The following TBC1D9 variants were observed in gnomAD, a reference collection of about 807,000 sequenced individuals.
TBC1D9 encodes TBC1 domain family member 9.
TBC1D9 carries 63 observed loss-of-function variants against 132.0 expected under a neutral mutation model. The observed-to-expected ratio is 0.48, with a 90% confidence interval of 0.39 to 0.59. TBC1D9 has a LOEUF of 0.59. Among genes scored for constraint, TBC1D9 ranks in the 20% least tolerant of loss-of-function variants. The pLI is 0.00. For synonymous variants in TBC1D9, 610 were observed against 609.9 expected, an observed-to-expected ratio of 1.00 and a Z score of 0.00; for missense variants, 1,261 against 1,592.7, an observed-to-expected ratio of 0.79 and a Z score of 3.54.
intron 1 of TBC1D9, among the ~76,000 whole-genome samples, chr4:140,714,334 T>C (rs1051882975): frequency 5.9e-5 from 9 of 152,188 alleles, no homozygotes; most frequent in Non-Finnish European, 1.3e-4. Context: ...TACAGGGACA[T>C]AAGACATCAA....
chr4:140,680,710 G>C (rs1737690515), intron 3 of TBC1D9, among the ~76,000 whole-genome samples: 1 of 152,166 alleles, frequency 6.6e-6, no homozygotes, highest in Admixed American at 6.5e-5. Context: ...TATCTGTGTA[G>C]CCTTGGCCAA....
In TBC1D9 at chr4:140,679,639, A is replaced by G; in HGVS notation, c.565T>C (p.Tyr189His). Residue 189 changes from tyrosine (Y) to histidine (H), a missense_variant, in exon 4 of 21, where the codon TAT (tyrosine) becomes CAT (histidine). By Grantham distance (83) the Tyr-to-His change is moderately conservative. This residue lies in a region of TBC1D9 where 550 missense variants were observed against 699.0 expected (regional missense o/e 0.79). Transcript: ENST00000442267. ...CCTTCCCTTCCCATAAGAAAAGAAT[A>G]AAAGCAAAGGTGGTTAATGCTGAGG... ...MYLSINHLCF[Y>H]SFLMGREAKL... is the part of the protein sequence containing the mutation. 1 of 1,613,556 alleles carries G rather than the reference A, an allele frequency of 6.2e-7. No homozygotes were observed. Among genetic ancestry groups the G allele is most frequent in the South Asian group, 1.1e-5 (1 of 90,990 alleles).
rs545352494 is a variant in TBC1D9 at position 140,732,710 on chromosome 4, C to T, written c.130+23206G>A. ...GCTGTCTGTACCAAGGAACATAACA[C>T]CCCATCAAGCCCTAAAATTCCTTCA... is the stretch of plus-strand genomic sequence containing the variant. On this transcript the variant is annotated intron_variant, in intron 1 of 20. Coordinates refer to ENST00000442267, the MANE Select transcript of TBC1D9 (RefSeq NM_015130.3). Among the ~76,000 whole-genome samples, 18 of 152,258 alleles carry T rather than the reference C, an allele frequency of 1.2e-4. No homozygotes were observed. The South Asian group carries it at 3.1e-3, about 26-fold the overall frequency.
At chr4:140,673,459 G>A (rs759309775) in intron 6 of TBC1D9, among the ~76,000 whole-genome samples, 1 of 152,180 alleles carries the variant, frequency 6.6e-6, no homozygotes, top group African/African-American at 2.4e-5. Flanking sequence ...CCCAGCTCAC[G>A]TGGAGGGCAC....
chr4:140,662,596 T>C (rs1003645146), intron 9 of TBC1D9, among the ~76,000 whole-genome samples: 2 of 152,162 alleles, frequency 1.3e-5, no homozygotes, highest in Admixed American at 1.3e-4. Context: ...CTCTGAAGGG[T>C]TTAATAGCCA....
intron 1 of TBC1D9, among the ~76,000 whole-genome samples, chr4:140,719,643 C>CT (rs747474695): frequency 5.3e-5 from 8 of 152,160 alleles, no homozygotes; most frequent in Non-Finnish European, 8.8e-5. Context: ...GGAAGCTTTG[C>CT]TGGGCACTAG....
At chr4:140,625,691 C>G (rs1736695085) in intron 18 of TBC1D9, among the ~76,000 whole-genome samples, 1 of 152,094 alleles carries the variant, frequency 6.6e-6, no homozygotes, top group East Asian at 1.9e-4. Flanking sequence ...GCAATGGATA[C>G]TATATAGCCA....
chr4:140,713,750 A>T (rs1271468626), intron 1 of TBC1D9, among the ~76,000 whole-genome samples: 2 of 9,438 alleles, frequency 2.1e-4, no homozygotes, highest in Non-Finnish European at 3.1e-4. Flanking sequence ...AAAAAGAATT[A>T]AAAAAAAAAA....
At chr4:140,712,449 A>AATATATATATATATATATAT (rs10530134) in intron 1 of TBC1D9, among the ~76,000 whole-genome samples, 2,980 of 102,642 alleles carry the variant, frequency 0.029, 483 homozygotes, top group African/African-American at 0.12. Context: ...AAAAAAAAAG[A>AATATATATATATATATATAT]ATATATATAT....
rs1192301941 is a variant in TBC1D9 at position 140,670,995 on chromosome 4, C to T, written c.1060-69G>A. ...ACCCAATAGCAGCCTATATGCAGCA[C>T]TAAAGGAGGAAGGCGGCACTTTCAT... On this transcript the variant is annotated intron_variant, in intron 6 of 20. Coordinates refer to ENST00000442267, the MANE Select transcript of TBC1D9 (RefSeq NM_015130.3). The T allele has an allele frequency of 6.6e-6, 9 of 1,358,282 alleles. No homozygotes were observed. In the East Asian group the frequency reaches 1.6e-4, roughly 24 times the overall value. The allele number at this position is 1,358,282 out of a possible 1,614,324, so 84.1% of individuals were successfully genotyped here. A position where few individuals can be genotyped will look rare whatever the true frequency, so the allele number is the denominator to read the frequency against.
At chr4:140,636,082 C>T (rs894924562) in intron 15 of TBC1D9, among the ~76,000 whole-genome samples, 2 of 152,216 alleles carry the variant, frequency 1.3e-5, no homozygotes, top group Non-Finnish European at 2.9e-5. Flanking sequence ...CAGGCACTTT[C>T]ATGGTGCTCA....
intron 7 of TBC1D9, 45 bp from the exon 8 acceptor site, chr4:140,669,849 T>C: frequency 6.4e-7 from 1 of 1,556,100 alleles, no homozygotes; most frequent in Non-Finnish European, 8.8e-7. Flanking sequence ...ACACGGGCAA[T>C]AGAACCTACT....
At chr4:140,716,698 C>A (rs1166968126) in intron 1 of TBC1D9, among the ~76,000 whole-genome samples, 2 of 152,056 alleles carry the variant, frequency 1.3e-5, no homozygotes, top group Non-Finnish European at 2.9e-5. Context: ...CAGTTAGAAA[C>A]TGATGAGCAA....
intron 13 of TBC1D9, among the ~76,000 whole-genome samples, chr4:140,649,986 T>C (rs1560873412): frequency 6.6e-6 from 1 of 152,238 alleles, no homozygotes; most frequent in Non-Finnish European, 1.5e-5. Flanking sequence ...TAATATTTTA[T>C]GCTTCTTTAG....
intron 15 of TBC1D9, 137 bp from the exon 16 acceptor site, chr4:140,634,325 C>G: frequency 8.2e-7 from 1 of 1,217,552 alleles, no homozygotes; most frequent in Admixed American, 2.4e-5. Context: ...CCTCAGGGCC[C>G]CCTTGGTCTC....
rs1209910526 is a variant in TBC1D9, at chr4:140,750,232, T to C, written c.130+5684A>G. Among the ~76,000 whole-genome samples, 4 of 151,880 alleles carry C rather than the reference T, an allele frequency of 2.6e-5. No individual in the cohort carries two copies. The East Asian group carries it at 5.8e-4, about 22-fold the overall frequency. On this transcript the variant is annotated intron_variant, in intron 1 of 20. Transcript: ENST00000442267. Reference sequence around the variant, plus strand: ...TGTTGAAAGTCTTTCTTTTAAGACCTGGGAAGGGATAAGAGTATGTACAAT... The same window carrying C: ...TGTTGAAAGTCTTTCTTTTAAGACCCGGGAAGGGATAAGAGTATGTACAAT...
chr4:140,636,495 C>T (rs1287940676), intron 15 of TBC1D9, among the ~76,000 whole-genome samples: 1 of 152,106 alleles, frequency 6.6e-6, no homozygotes, highest in Non-Finnish European at 1.5e-5. Flanking sequence ...TGGGCTCAAA[C>T]GATCCTCCTA....
In TBC1D9 at chr4:140,621,184, GA is replaced by G. The variant is rs1421362772; in HGVS notation, c.*1010del. The G allele has an allele frequency of 2.6e-5, 4 of 152,596 alleles. No homozygotes were observed. The highest frequency in any genetic ancestry group is 7.2e-5 in the African/African-American group (3 of 41,444). 9.5% of individuals were successfully genotyped at this position (152,596 alleles called of 1,614,324 possible). ...AAACATTCAGTTACATTATCTTGCA[GA>G]TTTTTTTTCAGTTTACATTATCTCT... is the stretch of plus-strand genomic sequence containing the variant. On this transcript the variant is annotated 3_prime_UTR_variant, in exon 21 of 21. Coordinates refer to ENST00000442267, the MANE Select transcript of TBC1D9 (RefSeq NM_015130.3).
At chr4:140,679,902 T>C (rs1409389745) in intron 3 of TBC1D9, 59 bp from the exon 4 acceptor site, 14 of 1,393,142 alleles carry the variant, frequency 1.0e-5, no homozygotes, top group Non-Finnish European at 1.4e-5. Context: ...GAGATGTACA[T>C]ATTCCAGAAG....
Sources: gnomAD v4.1 joint callset for allele counts (sites outside exome capture counted in the v4.1 genomes callset) on GRCh38, gnomAD v4.1.1 for gene constraint, gnomAD v4.1.1 regional missense constraint, MANE v1.5 for transcripts, NCBI Gene and HGNC (gene_info 2026-07-23, HGNC 2026-07-21) for gene names.